MAN1C1: variants seen among roughly 807,000 people sequenced by gnomAD.
MAN1C1 encodes the protein mannosyl-oligosaccharide 1,2-alpha-mannosidase IC.
In MAN1C1, 49 loss-of-function variants were observed where a neutral mutation model predicts 71.5. The ratio of observed to expected loss-of-function variants is 0.69; its 90% confidence interval spans 0.54 to 0.87. The LOEUF is 0.87. Ranked by LOEUF, MAN1C1 falls within the 40% of genes least tolerant of loss-of-function variation. The pLI is 0.00. For synonymous variants in MAN1C1, 352 were observed against 343.7 expected, an observed-to-expected ratio of 1.02 and a Z score of -0.27; for missense variants, 743 against 835.0, an observed-to-expected ratio of 0.89 and a Z score of 1.36.
chr1:25,666,042 A>G (rs894522433), intron 1 of MAN1C1, among the ~76,000 whole-genome samples: 1 of 151,878 alleles, frequency 6.6e-6, no homozygotes, highest in Non-Finnish European at 1.5e-5. Flanking sequence ...TTTAAATCTC[A>G]TCTCTCAGGC....
At chr1:25,622,685 A>G (rs1298422290) in intron 1 of MAN1C1, among the ~76,000 whole-genome samples, 1 of 152,208 alleles carries the variant, frequency 6.6e-6, no homozygotes, top group African/African-American at 2.4e-5. Context: ...GAGAGCAGGC[A>G]TCGGAGGGTG....
Position 25,668,681 on chromosome 1 carries a change from G to A in MAN1C1, c.541-17759G>A, listed in dbSNP as rs1331220168. On this transcript the variant is annotated intron_variant, in intron 1 of 11. Coordinates refer to ENST00000374332, the MANE Select transcript of MAN1C1 (RefSeq NM_020379.4). ...CGTCATTCTCCTGCCTCAGCCTCCC[G>A]AGTAGCTGGGACTACAGACGCCCGC... is the stretch of plus-strand genomic sequence containing the variant. Among the ~76,000 whole-genome samples the A allele has an allele frequency of 1.6e-4, 24 of 151,600 alleles. No individual in the cohort carries two copies. In the South Asian group the frequency reaches 3.5e-3, roughly 22 times the overall value.
chr1:25,770,869 T>A (rs1023748485), intron 7 of MAN1C1, among the ~76,000 whole-genome samples: 1 of 152,226 alleles, frequency 6.6e-6, no homozygotes, highest in Non-Finnish European at 1.5e-5. Flanking sequence ...AGAACTGGTT[T>A]GTTCTTTGTT....
At chr1:25,619,951 C>T (rs1247080395) in intron 1 of MAN1C1, among the ~76,000 whole-genome samples, 1 of 152,112 alleles carries the variant, frequency 6.6e-6, no homozygotes, top group Non-Finnish European at 1.5e-5. Context: ...TCAAACTGAT[C>T]CCCCAAAGGA....
chr1:25,641,853 C>T (rs1390924093), intron 1 of MAN1C1, among the ~76,000 whole-genome samples: 1 of 152,202 alleles, frequency 6.6e-6, no homozygotes, highest in Non-Finnish European at 1.5e-5. Context: ...ACACTGTTTA[C>T]ATGATACGGA....
intron 1 of MAN1C1, among the ~76,000 whole-genome samples, chr1:25,652,717 C>T (rs1261804113): frequency 6.6e-6 from 1 of 152,224 alleles, no homozygotes; most frequent in Admixed American, 6.5e-5. Flanking sequence ...CCTCAATGTC[C>T]TTTTCTGCAC....
At chr1:25,623,138 G>A (rs979474144) in intron 1 of MAN1C1, among the ~76,000 whole-genome samples, 2 of 152,174 alleles carry the variant, frequency 1.3e-5, no homozygotes, top group African/African-American at 4.8e-5. Flanking sequence ...AGACTGGCCT[G>A]TAATAACTGG....
At chr1:25,710,475 C>CAATAA in intron 2 of MAN1C1, among the ~76,000 whole-genome samples, 1 of 152,198 alleles carries the variant, frequency 6.6e-6, no homozygotes, top group Non-Finnish European at 1.5e-5. Flanking sequence ...ATAATAGTTG[C>CAATAA]TAACATTTAT....
In MAN1C1 at chr1:25,616,898, C is replaced by T. The variant is rs1183136532; in HGVS notation, c.-900C>T. Among the ~76,000 whole-genome samples the T allele has an allele frequency of 2.0e-5, 3 of 149,826 alleles. No individual in the cohort carries two copies. In the East Asian group the frequency reaches 5.9e-4, roughly 29 times the overall value. ...GGCGGCAGCGGCCGGTCTGGAGCGG[C>T]CGCTGCGAGGAAGACAGCTGCAGCG... On this transcript the variant is annotated 5_prime_UTR_variant, in exon 1 of 12. Transcript: ENST00000374332. This position sits in a 1 kb window ranked among gnomAD's most constrained non-coding sequence, Gnocchi z 5.6.
chr1:25,759,837 T>C (rs947540008), intron 6 of MAN1C1: 1 of 151,870 alleles, frequency 6.6e-6, no homozygotes, highest in Non-Finnish European at 1.5e-5. Context: ...TCTTGATTAC[T>C]TTCTCTGACA....
At chr1:25,623,985 C>T (rs1365754530) in intron 1 of MAN1C1, among the ~76,000 whole-genome samples, 1 of 152,194 alleles carries the variant, frequency 6.6e-6, no homozygotes, top group Non-Finnish European at 1.5e-5. Flanking sequence ...GTTCTGTGCA[C>T]CTGCAGTCCA....
intron 1 of MAN1C1, among the ~76,000 whole-genome samples, chr1:25,686,013 C>T (rs943700336): frequency 6.6e-6 from 1 of 152,176 alleles, no homozygotes; most frequent in African/African-American, 2.4e-5. Context: ...GTCTACAACC[C>T]GTCTCCTTAG....
intron 1 of MAN1C1, among the ~76,000 whole-genome samples, chr1:25,660,798 C>T (rs1261892775): frequency 6.6e-6 from 1 of 152,046 alleles, no homozygotes; most frequent in Non-Finnish European, 1.5e-5. Flanking sequence ...TCAAGGGGTC[C>T]TCCCACCTCA....
At chr1:25,758,974 T>C (rs2047326295) in intron 6 of MAN1C1, 3 of 442,826 alleles carry the variant, frequency 6.8e-6, no homozygotes, top group Non-Finnish European at 1.2e-5. Context: ...AGGTTCTCAC[T>C]GGTCTGCGTG....
rs2047671321 is a variant in MAN1C1, at chr1:25,779,927, G to A, written c.1478-1013G>A. On this transcript the variant is annotated intron_variant, in intron 9 of 11. Coordinates refer to ENST00000374332, the MANE Select transcript of MAN1C1 (RefSeq NM_020379.4). This position sits in a 1 kb window ranked among gnomAD's most constrained non-coding sequence, Gnocchi z 4.6. The stretch of plus-strand genomic sequence containing the variant: ...TGGAGCTGGGGACTTGGGTGACCTG[G>A]ACAGGAGGGACAGGCATTAAAGGGA... Among the ~76,000 whole-genome samples, 1 of 152,168 alleles carries A rather than the reference G, an allele frequency of 6.6e-6. No individual in the cohort carries two copies. Among genetic ancestry groups the A allele is most frequent in the South Asian group, 2.1e-4 (1 of 4,826 alleles).
intron 2 of MAN1C1, among the ~76,000 whole-genome samples, chr1:25,727,768 A>G (rs1220650856): frequency 6.6e-6 from 1 of 152,224 alleles, no homozygotes. Flanking sequence ...AGCCACCCTC[A>G]CGGGAATCCA....
intron 2 of MAN1C1, among the ~76,000 whole-genome samples, chr1:25,695,017 C>T (rs1259292536): frequency 6.6e-6 from 1 of 152,150 alleles, no homozygotes; most frequent in Non-Finnish European, 1.5e-5. Flanking sequence ...ACACACCCTT[C>T]CCGGTGTATA....
intron 1 of MAN1C1, chr1:25,658,914 T>C (rs1206507087): frequency 6.6e-6 from 1 of 152,526 alleles, no homozygotes; most frequent in Admixed American, 6.5e-5. Flanking sequence ...TGCTTGCTTA[T>C]GTTGCCTGCA....
intron 1 of MAN1C1, among the ~76,000 whole-genome samples, chr1:25,618,753 T>C (rs910319567): frequency 6.6e-6 from 1 of 152,094 alleles, no homozygotes; most frequent in Non-Finnish European, 1.5e-5. Context: ...CCCATTCTTT[T>C]TCACTGTGTG....
Sources: gnomAD v4.1 joint callset for allele counts (sites outside exome capture counted in the v4.1 genomes callset) on GRCh38, gnomAD v4.1.1 for gene constraint, Gnocchi (gnomAD v3.1) non-coding constraint, MANE v1.5 for transcripts, NCBI Gene and HGNC (gene_info 2026-07-23, HGNC 2026-07-21) for gene names.